The following SDK1 variants were observed in gnomAD, a reference collection of about 807,000 sequenced individuals.
The protein encoded by SDK1 is sidekick cell adhesion molecule 1, also known as protein sidekick-1.
In SDK1, 157 loss-of-function variants were observed where a neutral mutation model predicts 245.5. The ratio of observed to expected loss-of-function variants is 0.64; its 90% CI spans 0.56 to 0.73. The LOEUF (loss-of-function observed/expected upper bound fraction) is 0.73, where lower values mean the gene tolerates loss of function less well. SDK1 is among the 30% of genes least tolerant of loss of function. The probability of loss-of-function intolerance (pLI) is 0.00; values close to 1 mark genes in which losing one functional copy is unlikely to be tolerated. For synonymous variants in SDK1, 1,647 were observed against 1,278.5 expected (o/e 1.29, Z -6.15); for missense variants, 3,583 against 3,002.3 (o/e 1.19, Z -4.52).
chr7:3,660,545 A>G (rs1470040540), intron 4 of SDK1, among the ~76,000 whole-genome samples: 1 of 152,138 alleles, frequency 6.6e-6, no homozygotes, highest in East Asian at 1.9e-4. Context: ...TTTGAGTAAA[A>G]CCTGCCCATA....
At chr7:4,069,211 C>T (rs1006631145) in intron 20 of SDK1, among the ~76,000 whole-genome samples, 2 of 152,208 alleles carry the variant, frequency 1.3e-5, no homozygotes, top group East Asian at 3.9e-4. Flanking sequence ...TCAGTTACAA[C>T]TGAGGGGCTG....
At chr7:3,811,259 G>A (rs1471287431) in intron 4 of SDK1, among the ~76,000 whole-genome samples, 1 of 152,090 alleles carries the variant, frequency 6.6e-6, no homozygotes, top group African/African-American at 2.4e-5. Context: ...TAAAATCGGG[G>A]CCAGATCCAG....
intron 4 of SDK1, among the ~76,000 whole-genome samples, chr7:3,757,205 G>C (rs1431249456): frequency 6.6e-6 from 1 of 151,952 alleles, no homozygotes; most frequent in Admixed American, 6.6e-5. Flanking sequence ...TTTGAATCGG[G>C]GTTCCCAAAA....
chr7:3,710,603 G>T (rs970151703), intron 4 of SDK1, among the ~76,000 whole-genome samples: 11 of 152,192 alleles, frequency 7.2e-5, no homozygotes, highest in African/African-American at 2.7e-4. Context: ...TGCTAAAACA[G>T]AACGGTGAAA....
intron 4 of SDK1, among the ~76,000 whole-genome samples, chr7:3,677,260 A>T (rs6951842): frequency 0.94 from 143,829 of 152,220 alleles, 68,032 homozygotes; most frequent in African/African-American, 0.97. Flanking sequence ...ACATACGATA[A>T]GCATCTTTGG....
intron 4 of SDK1, among the ~76,000 whole-genome samples, chr7:3,730,259 T>C (rs900275741): frequency 1.4e-4 from 22 of 152,280 alleles, no homozygotes; most frequent in African/African-American, 5.1e-4. Context: ...ACTTATTAAA[T>C]TTCTGCAAAT....
intron 1 of SDK1, among the ~76,000 whole-genome samples, chr7:3,378,074 G>A (rs1422997838): frequency 2.6e-5 from 4 of 152,024 alleles, no homozygotes; most frequent in Non-Finnish European, 5.9e-5. Flanking sequence ...CCACTGCGCC[G>A]GCCCCCAAAC....
At chr7:4,074,291 C>G (rs540344012) in intron 20 of SDK1, among the ~76,000 whole-genome samples, 3 of 152,170 alleles carry the variant, frequency 2.0e-5, no homozygotes, top group Admixed American at 6.5e-5. Context: ...TTAGTGTATC[C>G]TGTTTCTTCT....
intron 1 of SDK1, among the ~76,000 whole-genome samples, chr7:3,474,426 T>A (rs1407252176): frequency 4.6e-5 from 7 of 151,906 alleles, no homozygotes; most frequent in Admixed American, 1.3e-4. Flanking sequence ...ACACCTCACA[T>A]CCCTCCTGTC....
intron 44 of SDK1, among the ~76,000 whole-genome samples, chr7:4,264,536 G>T (rs1392110542): frequency 2.3e-5 from 3 of 132,102 alleles, no homozygotes; most frequent in African/African-American, 8.6e-5. Context: ...GGGAGGCCGC[G>T]TGGACCTCTC....
At chr7:3,337,874 C>G (rs1047896499) in intron 1 of SDK1, 2 of 152,244 alleles carry the variant, frequency 1.3e-5, no homozygotes, top group Admixed American at 6.5e-5. Context: ...ACCAAGCATA[C>G]CCTTAAAAAC....
chr7:4,233,637 A>G (rs1317753053), intron 41 of SDK1, among the ~76,000 whole-genome samples: 1 of 151,946 alleles, frequency 6.6e-6, no homozygotes, highest in Admixed American at 6.5e-5. Flanking sequence ...GACGGGAGAG[A>G]GAAATGAAGT....
intron 1 of SDK1, among the ~76,000 whole-genome samples, chr7:3,305,520 G>A (rs1444474947): frequency 6.6e-6 from 1 of 152,050 alleles, no homozygotes; most frequent in African/African-American, 2.4e-5. Context: ...TACAAATCTA[G>A]CTTCCTTTTG....
At chr7:3,786,280 ATC>A (rs1305180463) in intron 4 of SDK1, among the ~76,000 whole-genome samples, 30 of 152,216 alleles carry the variant, frequency 2.0e-4, no homozygotes, top group African/African-American at 7.2e-4. Flanking sequence ...ATAATAAGTA[ATC>A]TCTGTTTTCC....
At chr7:3,412,727 T>G (rs1198770622) in intron 1 of SDK1, among the ~76,000 whole-genome samples, 1 of 152,178 alleles carries the variant, frequency 6.6e-6, no homozygotes. Flanking sequence ...ATGAAAGACT[T>G]ACTTCCAAGC....
intron 1 of SDK1, among the ~76,000 whole-genome samples, chr7:3,585,627 G>A (rs1042585468): frequency 1.3e-5 from 2 of 152,120 alleles, no homozygotes; most frequent in African/African-American, 4.8e-5. Context: ...GAGGTACATG[G>A]TCAGTGGTAA....
chr7:3,599,830 C>A (rs1390306710), intron 1 of SDK1, among the ~76,000 whole-genome samples: 1 of 152,166 alleles, frequency 6.6e-6, no homozygotes, highest in East Asian at 1.9e-4. Context: ...CCATACTGTC[C>A]TTATTACTGT....
At chr7:4,097,639 G>A (rs921290409) in intron 22 of SDK1, among the ~76,000 whole-genome samples, 4 of 152,138 alleles carry the variant, frequency 2.6e-5, no homozygotes, top group Non-Finnish European at 2.9e-5. Context: ...TCTCCTGCAG[G>A]TTCATAAGCC....
chr7:4,186,680 G>A (rs927617524), intron 35 of SDK1, among the ~76,000 whole-genome samples: 4 of 152,098 alleles, frequency 2.6e-5, no homozygotes, highest in African/African-American at 7.2e-5. Context: ...AGAGCCCCCC[G>A]CTGCTCCAGC....
Sources: gnomAD v4.1 joint callset for allele counts (sites outside exome capture counted in the v4.1 genomes callset) on GRCh38, gnomAD v4.1.1 for gene constraint, MANE v1.5 for transcripts, NCBI Gene and HGNC (gene_info 2026-07-23, HGNC 2026-07-21) for gene names.